The following KLF13 variants were observed in gnomAD, a reference collection of about 807,000 sequenced individuals.
The protein encoded by KLF13 is Krueppel-like factor 13.
A neutral mutation model predicts 16.7 loss-of-function variants in KLF13; 8 were observed. That is an observed-to-expected ratio of 0.48 (90% CI 0.28 to 0.87). The LOEUF (loss-of-function observed/expected upper bound fraction) is 0.87, where lower values mean the gene tolerates loss of function less well. Among genes scored for constraint, KLF13 ranks in the 40% least tolerant of loss-of-function variants. The pLI, the probability that KLF13 is intolerant of heterozygous loss-of-function variation, is 0.10. For missense variants in KLF13, 447 were observed against 452.2 expected (o/e 0.99, Z 0.10); for synonymous variants, 245 against 208.4 (o/e 1.18, Z -1.51).
rs373918817 is a variant in KLF13, at chr15:31,361,744, G to A, written c.578-10266G>A. Among the ~76,000 whole-genome samples the A allele has an allele frequency of 5.3e-5, 8 of 152,132 alleles. No homozygotes were observed. In the South Asian group the frequency reaches 6.2e-4, roughly 12 times the overall value. ...GGGCTGGCTGTGCAGGTGCTTGTTC[G>A]TGTCAAGAAGCAGTTGGACTTCTCT... On this transcript the variant is annotated intron_variant, in intron 1 of 1. Coordinates refer to ENST00000307145, the MANE Select transcript of KLF13 (RefSeq NM_015995.4).
chr15:31,364,458 C>A (rs1486049678), intron 1 of KLF13, among the ~76,000 whole-genome samples: 1 of 152,232 alleles, frequency 6.6e-6, no homozygotes, highest in African/African-American at 2.4e-5. Flanking sequence ...CACACCTGCC[C>A]CCCATGTCTC....
At chr15:31,420,032 T>G (rs139135219) in intron 1 of KLF13, 4 of 326,278 alleles carry the variant, frequency 1.2e-5, no homozygotes, top group Non-Finnish European at 2.4e-5. Flanking sequence ...GAGTGAGATG[T>G]TATATTCAAA....
chr15:31,343,148 C>T (rs542261173), intron 1 of KLF13, among the ~76,000 whole-genome samples: 2 of 152,350 alleles, frequency 1.3e-5, no homozygotes, highest in East Asian at 3.9e-4. Context: ...CCTCTTCTCT[C>T]TTCTGCTTTG....
At chr15:31,411,508 G>C (rs1304135204) in intron 1 of KLF13, among the ~76,000 whole-genome samples, 1 of 148,916 alleles carries the variant, frequency 6.7e-6, no homozygotes, top group African/African-American at 2.5e-5. Context: ...CCATTCTCCT[G>C]CCTCAGCCTC....
chr15:31,417,320 C>A (rs2040266497), intron 1 of KLF13, among the ~76,000 whole-genome samples: 1 of 151,834 alleles, frequency 6.6e-6, no homozygotes. Context: ...CATGGTGAAA[C>A]CCCATCTCTA....
downstream of KLF13, among the ~76,000 whole-genome samples, chr15:31,404,928 T>G (rs1053672857): frequency 1.3e-5 from 2 of 152,052 alleles, no homozygotes; most frequent in Non-Finnish European, 2.9e-5. Context: ...GAGAGAACAG[T>G]GGGGGGAGCT....
intron 1 of KLF13, among the ~76,000 whole-genome samples, chr15:31,423,510 T>C (rs569593387): frequency 6.6e-6 from 1 of 151,966 alleles, no homozygotes; most frequent in Non-Finnish European, 1.5e-5. Context: ...TGGGTGCCTG[T>C]AATCCCAGCT....
At chr15:31,363,149 A>G (rs1156507153) in intron 1 of KLF13, among the ~76,000 whole-genome samples, 2 of 152,246 alleles carry the variant, frequency 1.3e-5, no homozygotes, top group African/African-American at 2.4e-5. Context: ...CCATCAGCAA[A>G]GAATGCCTGC....
At chr15:31,405,215 G>A (rs2040107054), downstream of KLF13, among the ~76,000 whole-genome samples, 1 of 152,204 alleles carries the variant, frequency 6.6e-6, no homozygotes, top group Admixed American at 6.5e-5. Flanking sequence ...TCTGGAGGCT[G>A]AGGCAGGAGA....
upstream of KLF13, among the ~76,000 whole-genome samples, chr15:31,391,950 G>A (rs1714609731): frequency 6.6e-6 from 1 of 152,130 alleles, no homozygotes; most frequent in African/African-American, 2.4e-5. Flanking sequence ...CGCGTTCGGA[G>A]GGCAGCCGGG....
chr15:31,343,934 A>G (rs776739236), intron 1 of KLF13, among the ~76,000 whole-genome samples: 2 of 152,116 alleles, frequency 1.3e-5, no homozygotes, highest in Non-Finnish European at 2.9e-5. Context: ...TCTTTGTATA[A>G]TGTGTTCAGT....
At chr15:31,424,619 AT>A (rs1260966173) in intron 1 of KLF13, among the ~76,000 whole-genome samples, 7 of 152,154 alleles carry the variant, frequency 4.6e-5, no homozygotes, top group Non-Finnish European at 8.8e-5. Context: ...ATAGAAAGAT[AT>A]TATCTGACCA....
At chr15:31,407,402 G>A (rs2040142296), downstream of KLF13, among the ~76,000 whole-genome samples, 1 of 152,188 alleles carries the variant, frequency 6.6e-6, no homozygotes, top group African/African-American at 2.4e-5. Flanking sequence ...GGTGGCACAG[G>A]TCATGGGCAG....
chr15:31,366,729 C>CCTCACTGTGTGCCCCGCTGTG lies in KLF13; in HGVS notation c.578-5266_578-5265insGCTGTGCTCACTGTGTGCCCC, dbSNP rs1555376578. Among the ~76,000 whole-genome samples the CCTCACTGTGTGCCCCGCTGTG allele has an allele frequency of 1.5e-3, 227 of 150,288 alleles. 1 individual carries two copies. Among genetic ancestry groups the CCTCACTGTGTGCCCCGCTGTG allele is most frequent in the African/African-American group, 5.2e-3 (212 of 40,912 alleles). On this transcript the variant is annotated intron_variant, in intron 1 of 1. Transcript: ENST00000307145. The stretch of plus-strand genomic sequence containing the variant: ...AGGGCCGGGCCTGGCTGGCCCCTCA[C>CCTCACTGTGTGCCCCGCTGTG]CTCACTGTGTGCCCCCCTGTGCTCA...
chr15:31,388,824 A>G (rs1275972686), upstream of KLF13, among the ~76,000 whole-genome samples: 1 of 146,656 alleles, frequency 6.8e-6, no homozygotes, highest in Non-Finnish European at 1.5e-5. Flanking sequence ...TTCCCCCCAC[A>G]CACACCAGTT....
Position 31,327,603 on chromosome 15 carries a change from C to G in KLF13, c.391C>G (p.Leu131Val), listed in dbSNP as rs1461944192. Residue 131 changes from leucine (L) to valine (V), a missense_variant, in exon 1 of 2, where the codon CTG becomes GTG. Physicochemically the swap from Leu to Val is conservative, Grantham distance 32. Transcript: ENST00000307145. ...GAGCGAGCCGGAGCCCGAGGCGGGG[C>G]TGGAGCCCGAGCGGGAGCCGGGGCC... ...AWSEPEPEAG[L>V]EPEREPGPAG... is the part of the protein sequence containing the mutation. 7.7e-7 allele frequency: 1 copy of G among 1,301,738 alleles called. No individual in the cohort carries two copies. Among genetic ancestry groups the G allele is most frequent in the South Asian group, 1.8e-5 (1 of 54,384 alleles). The allele number at this position is 1,301,738 out of a possible 1,614,324, so 80.6% of individuals were successfully genotyped here. A position where few individuals can be genotyped will look rare whatever the true frequency, so the allele number is the denominator to read the frequency against.
chr15:31,414,008 A>G (rs755404529), intron 1 of KLF13, among the ~76,000 whole-genome samples: 4 of 152,212 alleles, frequency 2.6e-5, no homozygotes, highest in Non-Finnish European at 5.9e-5. Flanking sequence ...GGCTAAGAAA[A>G]TGATTATAAC....
At chr15:31,348,025 G>A (rs2039153186) in intron 1 of KLF13, among the ~76,000 whole-genome samples, 1 of 152,260 alleles carries the variant, frequency 6.6e-6, no homozygotes, top group African/African-American at 2.4e-5. Flanking sequence ...CTGCCTCAGT[G>A]TGGAGGCTTC....
rs1384303047 is a variant in KLF13 at position 31,419,236 on chromosome 15, C to G, written n.118-16134C>G. ...TGCCTGTTTTTCAAAAGCACAAATC[C>G]CAGTAAAAAATAATAAGGCATGTGA... On this transcript the variant is annotated intron_variant and non_coding_transcript_variant, in intron 1 of 1. Transcript: ENST00000558225. Among the ~76,000 whole-genome samples, 5 of 151,758 alleles carry G rather than the reference C, an allele frequency of 3.3e-5. No individual in the cohort carries two copies. In the East Asian group the frequency reaches 9.7e-4, roughly 29 times the overall value.
Sources: gnomAD v4.1 joint callset for allele counts (sites outside exome capture counted in the v4.1 genomes callset) on GRCh38, gnomAD v4.1.1 for gene constraint, MANE v1.5 for transcripts, NCBI Gene and HGNC (gene_info 2026-07-23, HGNC 2026-07-21) for gene names.